Variants in FGF14 observed in about 807,000 individuals in gnomAD.
The protein encoded by FGF14 is fibroblast growth factor homologous factor 4.
A neutral mutation model predicts 25.5 loss-of-function variants in FGF14; 5 were observed. That is an observed-to-expected ratio of 0.20 (90% CI 0.10 to 0.41). FGF14 has a LOEUF of 0.41. FGF14 is among the 10% of genes least tolerant of loss of function. The probability of loss-of-function intolerance (pLI) is 1.00; values close to 1 mark genes in which losing one functional copy is unlikely to be tolerated. For synonymous variants in FGF14, 138 were observed against 118.3 expected (o/e 1.17, Z -1.08); for missense variants, 222 against 320.1 (o/e 0.69, Z 2.34).
At chr13:101,910,966 CTT>C (rs1240813535) in intron 1 of FGF14, among the ~76,000 whole-genome samples, 3 of 151,496 alleles carry the variant, frequency 2.0e-5, no homozygotes, top group African/African-American at 7.3e-5. Flanking sequence ...TCATAGTCCT[CTT>C]TGGCTAAAGT....
intron 3 of FGF14, among the ~76,000 whole-genome samples, chr13:101,810,475 C>A (rs562351683): frequency 2.0e-5 from 3 of 152,174 alleles, no homozygotes; most frequent in Non-Finnish European, 4.4e-5. Context: ...TTAGATGAAG[C>A]CTGCTTAGTG....
In FGF14 at chr13:102,251,612, G is replaced by A. The variant is rs118030104; in HGVS notation, c.208+149859C>T. Among the ~76,000 whole-genome samples the A allele has an allele frequency of 7.0e-3, 1,059 of 152,264 alleles. 4 individuals carry two copies. The highest frequency in any genetic ancestry group is 0.012 in the Non-Finnish European group (797 of 68,026). Reference sequence around the variant, plus strand: ...GAGTCCAGTAGAGATGCCAGCCATCGAGTTCTGAGCCTATGGGATTTGGGT... The same window carrying A: ...GAGTCCAGTAGAGATGCCAGCCATCAAGTTCTGAGCCTATGGGATTTGGGT... On this transcript the variant is annotated intron_variant, in intron 1 of 4. Transcript: ENST00000376131.
At chr13:101,812,651 A>ATT (rs2041631047) in intron 3 of FGF14, among the ~76,000 whole-genome samples, 4 of 8,146 alleles carry the variant, frequency 4.9e-4, no homozygotes, top group Admixed American at 2.4e-3. Flanking sequence ...ATATATATAT[A>ATT]TATTTTTTTT....
chr13:101,953,779 G>C (rs542098825), intron 1 of FGF14, among the ~76,000 whole-genome samples: 1 of 151,508 alleles, frequency 6.6e-6, no homozygotes, highest in South Asian at 2.1e-4. Flanking sequence ...TAGTAGAGAC[G>C]GGGTTTCACC....
At chr13:101,734,081 C>G (rs1320726120) in intron 3 of FGF14, among the ~76,000 whole-genome samples, 1 of 151,708 alleles carries the variant, frequency 6.6e-6, no homozygotes, top group African/African-American at 2.4e-5. Context: ...TATTCAGGGA[C>G]CAGTAGCAAC....
chr13:102,320,071 C>T (rs2056186225), intron 1 of FGF14, among the ~76,000 whole-genome samples: 1 of 151,938 alleles, frequency 6.6e-6, no homozygotes, highest in Admixed American at 6.6e-5. Context: ...ATGCATGTGC[C>T]TCTGTGTGCG....
intron 1 of FGF14, among the ~76,000 whole-genome samples, chr13:102,023,995 G>A (rs1012268510): frequency 1.3e-5 from 2 of 151,816 alleles, no homozygotes; most frequent in Non-Finnish European, 2.9e-5. Flanking sequence ...CCATTGTGTC[G>A]ATCTACCACA....
chr13:102,351,619 CAGTCTTCTCA>C (rs2057282582), intron 1 of FGF14, among the ~76,000 whole-genome samples: 1 of 152,214 alleles, frequency 6.6e-6, no homozygotes, highest in Non-Finnish European at 1.5e-5. Flanking sequence ...AGCAGGCCTG[CAGTCTTCTCA>C]AGGCTTCACA....
chr13:101,748,313 T>C (rs2037028452), intron 3 of FGF14, among the ~76,000 whole-genome samples: 1 of 151,978 alleles, frequency 6.6e-6, no homozygotes, highest in East Asian at 1.9e-4. Context: ...AAAAAAAGAA[T>C]GAAATTATAT....
At chr13:102,176,262 T>C (rs2048445714) in intron 1 of FGF14, among the ~76,000 whole-genome samples, 1 of 152,160 alleles carries the variant, frequency 6.6e-6, no homozygotes, top group African/African-American at 2.4e-5. Context: ...ATCATGTCTT[T>C]TGTAGCAACA....
At chr13:101,788,903 TATATATAGAGAGAGAGAGAGAGAGAGAG>T (rs1191164454) in intron 3 of FGF14, among the ~76,000 whole-genome samples, 1 of 35,636 alleles carries the variant, frequency 2.8e-5, no homozygotes, top group Non-Finnish European at 5.7e-5. Flanking sequence ...TATATATATA[TATATATAGAGAGAGAGAGAGAGAGAGAG>T]AGAGAGAGAG....
intron 1 of FGF14, among the ~76,000 whole-genome samples, chr13:102,005,265 T>C (rs573283583): frequency 1.3e-5 from 2 of 152,330 alleles, no homozygotes; most frequent in South Asian, 4.1e-4. Context: ...AATCCCTACA[T>C]GGATATATAA....
intron 1 of FGF14, among the ~76,000 whole-genome samples, chr13:101,958,001 G>A (rs1007904775): frequency 3.3e-5 from 5 of 152,058 alleles, no homozygotes; most frequent in Admixed American, 2.0e-4. Context: ...GGAAAATAAC[G>A]ATTTAAAATA....
At chr13:101,858,181 C>A (rs1462133783) in intron 3 of FGF14, among the ~76,000 whole-genome samples, 2 of 150,484 alleles carry the variant, frequency 1.3e-5, no homozygotes, top group Non-Finnish European at 3.0e-5. Flanking sequence ...CTGACAGGTA[C>A]CTCCCATACA....
At chr13:102,184,601 C>T (rs867906653) in intron 1 of FGF14, among the ~76,000 whole-genome samples, 1 of 152,090 alleles carries the variant, frequency 6.6e-6, no homozygotes, top group African/African-American at 2.4e-5. Flanking sequence ...CTAGTAAATA[C>T]GAGCAGTAAT....
intron 1 of FGF14, among the ~76,000 whole-genome samples, chr13:102,187,594 G>T (rs139392099): frequency 6.6e-6 from 1 of 152,240 alleles, no homozygotes; most frequent in African/African-American, 2.4e-5. Context: ...CCTCATTGCT[G>T]CTGCTTCTCC....
At chr13:101,781,967 G>T (rs2140034074) in intron 3 of FGF14, among the ~76,000 whole-genome samples, 1 of 152,194 alleles carries the variant, frequency 6.6e-6, no homozygotes, top group Non-Finnish European at 1.5e-5. Flanking sequence ...CTTGAATAAA[G>T]GTATCCCTTA....
At chr13:102,247,321 T>C (rs1281478586) in intron 1 of FGF14, among the ~76,000 whole-genome samples, 2 of 151,934 alleles carry the variant, frequency 1.3e-5, no homozygotes, top group African/African-American at 4.8e-5. Context: ...GGAGAAAATA[T>C]TTGCAAATTA....
upstream of FGF14, among the ~76,000 whole-genome samples, chr13:101,921,355 G>A (rs978936567): frequency 4.6e-5 from 7 of 152,258 alleles, no homozygotes; most frequent in Admixed American, 1.3e-4. Context: ...ATAGGTAAGT[G>A]TCTCATGCTT....
Sources: gnomAD v4.1 joint callset for allele counts (sites outside exome capture counted in the v4.1 genomes callset) on GRCh38, gnomAD v4.1.1 for gene constraint, MANE v1.5 for transcripts, NCBI Gene and HGNC (gene_info 2026-07-23, HGNC 2026-07-21) for gene names.